GPR37: variants seen among roughly 807,000 people sequenced by gnomAD.
GPR37 encodes G protein-coupled receptor 37, also known as prosaposin receptor GPR37.
In GPR37, 20 loss-of-function variants were observed where a neutral mutation model predicts 43.6. That is an observed-to-expected ratio of 0.46 (90% CI 0.32 to 0.67). The LOEUF (loss-of-function observed/expected upper bound fraction) is 0.67. Ranked by LOEUF, GPR37 falls within the 30% of genes least tolerant of loss-of-function variation. The pLI is 0.03. For missense variants in GPR37, 724 were observed against 797.2 expected (o/e 0.91, Z 1.11); for synonymous variants, 315 against 322.6 (o/e 0.98, Z 0.25).
At chr7:124,751,137 C>T (rs564279900) in intron 1 of GPR37, among the ~76,000 whole-genome samples, 1 of 152,200 alleles carries the variant, frequency 6.6e-6, no homozygotes, top group Non-Finnish European at 1.5e-5. Flanking sequence ...TAGGATCCAG[C>T]TGCAACAGGG....
At position 124,764,712 on chromosome 7, in the gene GPR37, G is replaced by A. The variant is rs1037581854; in HGVS notation, c.265C>T (p.Pro89Ser). 1.1e-5 allele frequency: 17 copies of A among 1,600,602 alleles called. No homozygotes were observed. Among genetic ancestry groups the A allele is most frequent in the Non-Finnish European group, 1.4e-5 (16 of 1,175,322 alleles). The stretch of plus-strand genomic sequence containing the variant: ...GCCGGGTCACGGCCCGGGGCCGCCG[G>A]CAGGTCCCAGGAGGGTCCCGCAAGA... The part of the protein sequence containing the change: ...AFLAGPSWDL[P>S]AAPGRDPAAG... The change falls in exon 1 of 2, where the codon CCG becomes TCG. Residue 89 changes from proline (P) to serine (S), a missense_variant. This residue lies in a region of GPR37 where 382 missense variants were observed against 355.4 expected (regional missense o/e 1.07). Transcript: ENST00000303921. The surrounding 1 kb of genome is among the most constrained non-coding windows in gnomAD (Gnocchi z 5.4).
intron 1 of GPR37, among the ~76,000 whole-genome samples, chr7:124,755,666 C>T (rs765540106): frequency 7.9e-5 from 12 of 152,146 alleles, no homozygotes; most frequent in Admixed American, 2.6e-4. Flanking sequence ...AGATTAGCAA[C>T]ATTTTGTCTT....
At position 124,765,490 on chromosome 7, in the gene GPR37, C is replaced by G. The variant is rs1793909938; in HGVS notation, c.-514G>C. ...CCCTCCCCCAGACGACTCGCAGTCA[C>G]AACCCCGCTCCCAGCTCGCTGGAAA... On this transcript the variant is annotated 5_prime_UTR_variant, in exon 1 of 2. Coordinates refer to ENST00000303921, the MANE Select transcript of GPR37 (RefSeq NM_005302.5). 6.5e-6 allele frequency: 1 copy of G among 153,212 alleles called. No homozygotes were observed. Among genetic ancestry groups the G allele is most frequent in the Non-Finnish European group, 1.5e-5 (1 of 68,744 alleles). 9.5% of individuals were successfully genotyped at this position (153,212 alleles called of 1,614,324 possible).
intron 1 of GPR37, 29 bp downstream of exon 1, chr7:124,763,925 C>G: frequency 6.2e-7 from 1 of 1,604,050 alleles, no homozygotes; most frequent in Non-Finnish European, 8.5e-7. Flanking sequence ...GATAAAGCCA[C>G]TAGCTTGAGA....
Position 124,764,985 on chromosome 7 carries a change from G to A in GPR37, c.-9C>T. ...GCGCCCGGGGCTCGCATGGCTTGGT[G>A]AGGGCACACCCGGCAGCCGCAGCTC... On this transcript the variant is annotated 5_prime_UTR_variant, in exon 1 of 2. Transcript: ENST00000303921. This position sits in a 1 kb window ranked among gnomAD's most constrained non-coding sequence, Gnocchi z 5.4. 6.8e-7 allele frequency: 1 copy of A among 1,461,492 alleles called. No homozygotes were observed. The highest frequency in any genetic ancestry group is 9.0e-7 in the Non-Finnish European group (1 of 1,111,716). 90.5% of individuals were successfully genotyped at this position (1,461,492 alleles called of 1,614,324 possible). A position where few individuals can be genotyped will look rare whatever the true frequency, so the allele number is the denominator to read the frequency against.
chr7:124,750,330 C>A (rs987280173), intron 1 of GPR37, among the ~76,000 whole-genome samples: 24 of 152,126 alleles, frequency 1.6e-4, no homozygotes, highest in African/African-American at 5.3e-4. Context: ...TTTGTGCATG[C>A]TTCCCCGTCA....
chr7:124,764,795 T>C lies in GPR37; in HGVS notation c.182A>G (p.Asn61Ser), dbSNP rs1562961182. 6.2e-7 allele frequency: 1 copy of C among 1,613,466 alleles called. No homozygotes were observed. The highest frequency in any genetic ancestry group is 8.5e-7 in the Non-Finnish European group (1 of 1,179,992). ...GGCTCGCAGAACGTCTCTTGCAGAA[T>C]TTCCCGGTCCCCAGGCGTCCCTGCC... ...RRGRDAWGPG[N>S]SARDVLRARA... Residue 61 changes from asparagine (N) to serine (S), a missense_variant, in exon 1 of 2, where the codon AAT becomes AGT. Asn to Ser is a conservative substitution (Grantham distance 46). Around this residue, in one of 2 missense-constraint regions of GPR37, gnomAD observed 382 missense variants for 355.4 expected, o/e 1.07. Transcript: ENST00000303921. The surrounding 1 kb of genome is among the most constrained non-coding windows in gnomAD (Gnocchi z 5.4).
rs78756597 is a variant in GPR37, at chr7:124,759,592, G to C, written c.1023+4362C>G. ...CTGATGTGTCTAGGAGGACGGCCAT[G>C]ATCTATCCAAATTTTCTTCTCTCCT... On this transcript the variant is annotated intron_variant, in intron 1 of 1. Coordinates refer to ENST00000303921, the MANE Select transcript of GPR37 (RefSeq NM_005302.5). 1.6e-3 allele frequency among the ~76,000 whole-genome samples: 250 copies of C among 152,182 alleles called. 2 individuals carry two copies. Among genetic ancestry groups the C allele is most frequent in the African/African-American group, 5.7e-3 (236 of 41,524 alleles).
intron 1 of GPR37, among the ~76,000 whole-genome samples, chr7:124,753,337 TAC>T (rs1793753662): frequency 6.6e-6 from 1 of 152,068 alleles, no homozygotes; most frequent in Non-Finnish European, 1.5e-5. Context: ...TATTCCTAAT[TAC>T]AGTTAAGATG....
At chr7:124,753,990 T>C (rs1042838314) in intron 1 of GPR37, among the ~76,000 whole-genome samples, 3 of 152,060 alleles carry the variant, frequency 2.0e-5, no homozygotes, top group African/African-American at 7.2e-5. Flanking sequence ...AGTGAAACTA[T>C]CTCTTGATAA....
At chr7:124,752,721 G>A (rs939846730) in intron 1 of GPR37, among the ~76,000 whole-genome samples, 2 of 152,134 alleles carry the variant, frequency 1.3e-5, no homozygotes, top group Non-Finnish European at 1.5e-5. Context: ...CAAGAGATAT[G>A]ATCCAATTCT....
Position 124,744,467 on chromosome 7 carries a change from C to T in GPR37, c.*2058G>A, listed in dbSNP as rs1303637123. 1.8e-4 allele frequency: 27 copies of T among 152,082 alleles called. 1 individual carries two copies. The highest frequency in any genetic ancestry group is 1.8e-3 in the Admixed American group (27 of 15,252). The allele number at this position is 152,082 out of a possible 1,614,324, so 9.4% of individuals were successfully genotyped here. A position where few individuals can be genotyped will look rare whatever the true frequency, so the allele number is the denominator to read the frequency against. ...TGGGCTGTTTATTCTTCAATCACAC[C>T]CACTGATTTCTTCTTCTATTCCTTT... is the stretch of plus-strand genomic sequence containing the variant. On this transcript the variant is annotated 3_prime_UTR_variant, in exon 2 of 2. Transcript: ENST00000303921.
rs60967099 is a variant in GPR37 at position 124,761,154 on chromosome 7, C to CAAAA, written c.1023+2796_1023+2799dup. On this transcript the variant is annotated intron_variant, in intron 1 of 1. Coordinates refer to ENST00000303921, the MANE Select transcript of GPR37 (RefSeq NM_005302.5). ...CTGGTGACAGAGCAAGACTCCGTCT[C>CAAAA]AAAAAAAAAAAAAAAAAAAAAGCTA... 2.7e-4 allele frequency among the ~76,000 whole-genome samples: 21 copies of CAAAA among 77,440 alleles called. 1 individual carries two copies. The highest frequency in any genetic ancestry group is 5.7e-4 in the Admixed American group (4 of 6,972). 50.8% of individuals were successfully genotyped at this position (77,440 alleles called of 152,430 possible).
chr7:124,751,756 G>A (rs1185280816), intron 1 of GPR37, among the ~76,000 whole-genome samples: 1 of 152,116 alleles, frequency 6.6e-6, no homozygotes, highest in Non-Finnish European at 1.5e-5. Context: ...TATGCTCTCA[G>A]GAGTAAAGCT....
In GPR37 at chr7:124,747,308, A is replaced by C; in HGVS notation, c.1059T>G (p.Cys353Trp). 6.2e-7 allele frequency: 1 copy of C among 1,613,358 alleles called. No individual in the cohort carries two copies. Among genetic ancestry groups the C allele is most frequent in the East Asian group, 2.2e-5 (1 of 44,864 alleles). The change falls in exon 2 of 2, where the codon TGT (cysteine) becomes TGG (tryptophan). Residue 353 changes from cysteine to tryptophan, a missense_variant. Cys to Trp is a radical substitution (Grantham distance 215). Around this residue, in one of 2 missense-constraint regions of GPR37, gnomAD observed 342 missense variants for 441.8 expected, o/e 0.77. Transcript: ENST00000303921. ...ASLGVTTFTL[C>W]ALCIDRFRAA... is the part of the protein sequence containing the mutation. ...CACGGAAGCGGTCTATGCACAGAGCACATAAGGTGAAAGTGGTGACTCCCA... is the reference window on the plus strand; with the variant it reads ...CACGGAAGCGGTCTATGCACAGAGCCCATAAGGTGAAAGTGGTGACTCCCA...
chr7:124,751,148 T>C (rs1793725703), intron 1 of GPR37, among the ~76,000 whole-genome samples: 1 of 152,012 alleles, frequency 6.6e-6, no homozygotes, highest in East Asian at 1.9e-4. Flanking sequence ...TGCAACAGGG[T>C]AAACAGTCCA....
At chr7:124,756,454 G>A (rs1051501993) in intron 1 of GPR37, among the ~76,000 whole-genome samples, 1 of 152,038 alleles carries the variant, frequency 6.6e-6, no homozygotes, top group East Asian at 1.9e-4. Flanking sequence ...CATATCCTGC[G>A]TTTTATGGAA....
rs1364189499 is a variant in GPR37, at chr7:124,765,004, G to A, written c.-28C>T. The A allele has an allele frequency of 2.8e-6, 4 of 1,432,732 alleles. No individual in the cohort carries two copies. The highest frequency in any genetic ancestry group is 2.7e-6 in the Non-Finnish European group (3 of 1,096,890). 88.8% of individuals were successfully genotyped at this position (1,432,732 alleles called of 1,614,324 possible). Reference sequence around the variant, plus strand: ...CTTGGTGAGGGCACACCCGGCAGCCGCAGCTCCTGCTTAGTTAGGATCGAC... The same window carrying A: ...CTTGGTGAGGGCACACCCGGCAGCCACAGCTCCTGCTTAGTTAGGATCGAC... On this transcript the variant is annotated 5_prime_UTR_variant, in exon 1 of 2. Coordinates refer to ENST00000303921, the MANE Select transcript of GPR37 (RefSeq NM_005302.5).
chr7:124,747,119 T>C lies in GPR37; in HGVS notation c.1248A>G (p.Ala416=), dbSNP rs760938124. 31 of 1,613,886 alleles carry C rather than the reference T, an allele frequency of 1.9e-5. No homozygotes were observed. The highest frequency in any genetic ancestry group is 1.7e-4 in the Admixed American group (10 of 59,980). The change falls in exon 2 of 2, where the codon GCA becomes GCG. Residue 416 remains alanine, a synonymous_variant. Coordinates refer to ENST00000303921, the MANE Select transcript of GPR37 (RefSeq NM_005302.5). ...GAGAGATCTTAATAATGCACCTTTC[T>C]GCCGGAGCTCGGCCACTAAACCCCA... The part of the protein sequence containing the change: ...EDLGFSGRAP[A]ERCIIKISPD...
Sources: gnomAD v4.1 joint callset for allele counts (sites outside exome capture counted in the v4.1 genomes callset) on GRCh38, gnomAD v4.1.1 for gene constraint, gnomAD v4.1.1 regional missense constraint, Gnocchi (gnomAD v3.1) non-coding constraint, MANE v1.5 for transcripts, NCBI Gene and HGNC (gene_info 2026-07-23, HGNC 2026-07-21) for gene names.